Variants in DGKB observed in about 807,000 individuals in gnomAD.
DGKB encodes the protein diacylglycerol kinase beta.
DGKB carries 67 observed loss-of-function variants against 114.3 expected under a neutral mutation model. The ratio of observed to expected loss-of-function variants is 0.59; its 90% CI spans 0.48 to 0.72. The LOEUF (loss-of-function observed/expected upper bound fraction) is 0.72, where lower values mean the gene tolerates loss of function less well. Ranked by LOEUF, DGKB falls within the 30% of genes least tolerant of loss-of-function variation. The pLI, the probability that DGKB is intolerant of heterozygous loss-of-function variation, is 0.00. For missense variants in DGKB, 907 were observed against 975.2 expected (o/e 0.93, Z 0.93); for synonymous variants, 398 against 323.1 (o/e 1.23, Z -2.49).
At chr7:14,343,784 A>G (rs1156379932) in intron 22 of DGKB, among the ~76,000 whole-genome samples, 1 of 150,822 alleles carries the variant, frequency 6.6e-6, no homozygotes, top group Non-Finnish European at 1.5e-5. Flanking sequence ...AAAAATAATG[A>G]TTCTAAGAGT....
At chr7:14,427,778 C>T (rs1827800155) in intron 21 of DGKB, among the ~76,000 whole-genome samples, 1 of 152,018 alleles carries the variant, frequency 6.6e-6, no homozygotes. Context: ...GAAAGAACTG[C>T]CCCCATGATT....
At chr7:14,558,542 T>G (rs925752076) in intron 20 of DGKB, among the ~76,000 whole-genome samples, 3 of 152,086 alleles carry the variant, frequency 2.0e-5, no homozygotes, top group African/African-American at 7.2e-5. Flanking sequence ...TTCTGCTTTT[T>G]TAAAAAAAAC....
chr7:14,658,770 A>C (rs1341055393), intron 13 of DGKB, among the ~76,000 whole-genome samples: 2 of 151,820 alleles, frequency 1.3e-5, no homozygotes, highest in East Asian at 3.9e-4. Context: ...AATTACGTTT[A>C]TAAAACAGGA....
chr7:14,458,837 A>T (rs1385350444), intron 21 of DGKB, among the ~76,000 whole-genome samples: 2 of 152,156 alleles, frequency 1.3e-5, no homozygotes, highest in African/African-American at 4.8e-5. Flanking sequence ...GGCGCCTGGA[A>T]TACCAGCAAG....
chr7:14,935,268 A>C (rs1433945029), intron 1 of DGKB, among the ~76,000 whole-genome samples: 1 of 100,708 alleles, frequency 9.9e-6, no homozygotes, highest in Non-Finnish European at 1.7e-5. Context: ...CTATTTATCA[A>C]GGAGAAAAAC....
chr7:14,723,615 A>G (rs1829587665), intron 5 of DGKB, among the ~76,000 whole-genome samples: 1 of 151,390 alleles, frequency 6.6e-6, no homozygotes, highest in East Asian at 1.9e-4. Flanking sequence ...ATATATGTGT[A>G]TGTATATACT....
Position 14,682,813 on chromosome 7 carries a change from A to G in DGKB, c.858T>C (p.Cys286=). The G allele has an allele frequency of 1.9e-6, 3 of 1,601,002 alleles. No homozygotes were observed. The highest frequency in any genetic ancestry group is 2.6e-6 in the Non-Finnish European group (3 of 1,173,292). ...SFCKYTVHER[C]VARAPPSCIK... ...TGCAAGAGGGAGGTGCTCGAGCCAC[A>G]CAGCGCTCATGGACTGTGTACTTGC... The change falls in exon 11 of 26, where the codon TGT becomes TGC. Residue 286 remains cysteine (C), a synonymous_variant. Transcript: ENST00000402815.
intron 2 of DGKB, among the ~76,000 whole-genome samples, chr7:14,760,080 C>A (rs1835462349): frequency 6.6e-6 from 1 of 152,122 alleles, no homozygotes; most frequent in Non-Finnish European, 1.5e-5. Flanking sequence ...TATTCAAGTT[C>A]TTTGACCATT....
intron 1 of DGKB, among the ~76,000 whole-genome samples, chr7:14,915,657 A>C (rs2128245175): frequency 6.6e-6 from 1 of 152,298 alleles, no homozygotes; most frequent in African/African-American, 2.4e-5. Context: ...AAGAAAGTGG[A>C]GACAAGTATT....
intron 23 of DGKB, among the ~76,000 whole-genome samples, chr7:14,332,665 A>G (rs1471450252): frequency 6.6e-6 from 1 of 152,202 alleles, no homozygotes; most frequent in Non-Finnish European, 1.5e-5. Flanking sequence ...CACAAAGAGA[A>G]GACAACTGTA....
intron 21 of DGKB, among the ~76,000 whole-genome samples, chr7:14,437,110 C>G (rs1829395372): frequency 6.6e-6 from 1 of 151,882 alleles, no homozygotes; most frequent in Admixed American, 6.6e-5. Flanking sequence ...ATTTTTGGAA[C>G]ACAAAATATT....
intron 2 of DGKB, among the ~76,000 whole-genome samples, chr7:14,796,594 C>T (rs569037802): frequency 6.6e-6 from 1 of 151,684 alleles, no homozygotes; most frequent in East Asian, 1.9e-4. Flanking sequence ...GGAAGTGGTC[C>T]AGTCAAAGCA....
intron 23 of DGKB, among the ~76,000 whole-genome samples, chr7:14,312,149 C>A (rs1805492119): frequency 6.6e-6 from 1 of 152,062 alleles, no homozygotes; most frequent in Non-Finnish European, 1.5e-5. Context: ...AAAAAGAATA[C>A]ACTTATAGAG....
intron 2 of DGKB, among the ~76,000 whole-genome samples, chr7:14,759,679 T>C (rs1382356540): frequency 6.6e-6 from 1 of 152,176 alleles, no homozygotes; most frequent in African/African-American, 2.4e-5. Flanking sequence ...ATTCAACTTG[T>C]TTCCAGGTTT....
intron 13 of DGKB, among the ~76,000 whole-genome samples, chr7:14,654,440 A>G (rs1313078669): frequency 6.6e-6 from 1 of 152,088 alleles, no homozygotes; most frequent in African/African-American, 2.4e-5. Context: ...AACAGTTAAT[A>G]TTGTCAAAAT....
Position 14,717,299 on chromosome 7 carries a change from T to C in DGKB, c.466+1243A>G, listed in dbSNP as rs949419941. Reference sequence around the variant, plus strand: ...TATTCATTTTCAGATGTGGAAAAAATGTTTGTCTTTATATGTTTATAATCA... The same window carrying C: ...TATTCATTTTCAGATGTGGAAAAAACGTTTGTCTTTATATGTTTATAATCA... On this transcript the variant is annotated intron_variant, in intron 6 of 25. Coordinates refer to ENST00000402815, the MANE Select transcript of DGKB (RefSeq NM_001350709.2). Among the ~76,000 whole-genome samples, 3 of 152,084 alleles carry C rather than the reference T, an allele frequency of 2.0e-5. No homozygotes were observed. The East Asian group carries it at 5.8e-4, about 29-fold the overall frequency.
chr7:14,850,550 T>C (rs973236997), intron 1 of DGKB, among the ~76,000 whole-genome samples: 9 of 152,108 alleles, frequency 5.9e-5, no homozygotes, highest in Admixed American at 5.2e-4. Flanking sequence ...GGATTTAGTG[T>C]TTAGGAAATG....
At chr7:14,195,132 G>A (rs1784841114) in intron 23 of DGKB, among the ~76,000 whole-genome samples, 1 of 152,148 alleles carries the variant, frequency 6.6e-6, no homozygotes, top group African/African-American at 2.4e-5. Flanking sequence ...CTGCTTCTGG[G>A]TTCTTGAAGC....
chr7:14,677,108 G>A (rs1314484014), intron 12 of DGKB, among the ~76,000 whole-genome samples: 2 of 151,878 alleles, frequency 1.3e-5, no homozygotes, highest in African/African-American at 2.4e-5. Context: ...CCAGATCTAT[G>A]TTTATTAGAA....
Sources: allele counts gnomAD v4.1 joint callset (sites outside exome capture counted in the v4.1 genomes callset), GRCh38; gene constraint gnomAD v4.1.1; transcripts MANE v1.5; gene names NCBI Gene and HGNC (gene_info 2026-07-23, HGNC 2026-07-21).